The following ITGA2 variants were observed in gnomAD, a reference collection of about 807,000 sequenced individuals.
The protein encoded by ITGA2 is integrin alpha-2.
ITGA2 carries 101 observed loss-of-function variants against 146.3 expected under a neutral mutation model. The observed-to-expected ratio is 0.69, with a 90% CI of 0.59 to 0.81. ITGA2 has a LOEUF of 0.81. Among genes scored for constraint, ITGA2 ranks in the 40% least tolerant of loss-of-function variants. The probability of loss-of-function intolerance (pLI) is 0.00; values close to 1 mark genes in which losing one functional copy is unlikely to be tolerated. For synonymous variants in ITGA2, 477 were observed against 487.1 expected (o/e 0.98, Z 0.27); for missense variants, 1,281 against 1,402.7 (o/e 0.91, Z 1.39).
intron 1 of ITGA2, among the ~76,000 whole-genome samples, chr5:53,023,246 C>T (rs246406): frequency 0.61 from 93,302 of 152,150 alleles, 28,859 homozygotes; most frequent in Non-Finnish European, 0.66. Flanking sequence ...ACCTATGACT[C>T]TCTGTGCCAG....
chr5:53,014,546 T>A (rs1742309873), intron 1 of ITGA2, among the ~76,000 whole-genome samples: 1 of 152,180 alleles, frequency 6.6e-6, no homozygotes, highest in South Asian at 2.1e-4. Flanking sequence ...TCAGGGATGT[T>A]GGCCTGAAGT....
At position 53,053,405 on chromosome 5, in the gene ITGA2, G is replaced by T. The variant is rs753782900; in HGVS notation, c.779+1846G>T. ...TAGGTCAGCTGCCATTAGGTGAAGC[G>T]CCCTTTCTGGACACAGCAAACTGGA... is the stretch of plus-strand genomic sequence containing the variant. On this transcript the variant is annotated intron_variant, in intron 7 of 29. Transcript: ENST00000296585. Among the ~76,000 whole-genome samples, 2 of 152,118 alleles carry T rather than the reference G, an allele frequency of 1.3e-5. 1 individual carries two copies. The highest frequency in any genetic ancestry group is 1.3e-4 in the Admixed American group (2 of 15,270).
intron 2 of ITGA2, among the ~76,000 whole-genome samples, chr5:53,036,733 A>G (rs1743509656): frequency 6.6e-6 from 1 of 151,750 alleles, no homozygotes; most frequent in Admixed American, 6.6e-5. Context: ...TCCCACTAGA[A>G]TGTAAGCTCC....
At chr5:53,066,055 T>C in intron 15 of ITGA2, 78 bp downstream of exon 15, 1 of 1,333,004 alleles carries the variant, frequency 7.5e-7, no homozygotes, top group Non-Finnish European at 1.1e-6. Flanking sequence ...GTACTGGTAT[T>C]ATAGAAATGC....
intron 1 of ITGA2, among the ~76,000 whole-genome samples, chr5:53,018,805 G>A (rs1742527008): frequency 6.6e-6 from 1 of 152,170 alleles, no homozygotes; most frequent in African/African-American, 2.4e-5. Flanking sequence ...GCTCACGCCT[G>A]TAAATTCCAG....
chr5:53,059,973 G>C lies in ITGA2; in HGVS notation c.1273G>C (p.Asp425His). The change falls in exon 11 of 30, where the codon GAC becomes CAC. Residue 425 changes from aspartate (D) to histidine (H), a missense_variant. Physicochemically the swap from Asp to His is moderately conservative, Grantham distance 81 (BLOSUM62 -1). Around this residue, in one of 3 missense-constraint regions of ITGA2, gnomAD observed 795 missense variants for 841.7 expected, o/e 0.94. Coordinates refer to ENST00000296585, the MANE Select transcript of ITGA2 (RefSeq NM_002203.4). ...GHLIFPKQAF[D>H]QILQDRNHSS... ...TTTGATCTTTCCTAAACAAGCCTTT[G>C]ACCAAATTCTGCAGGACAGAAATCA... The C allele has an allele frequency of 1.2e-6, 2 of 1,612,242 alleles. No individual in the cohort carries two copies. The highest frequency in any genetic ancestry group is 1.7e-6 in the Non-Finnish European group (2 of 1,178,902).
chr5:52,998,686 C>G (rs879704366), intron 1 of ITGA2, among the ~76,000 whole-genome samples: 3 of 152,296 alleles, frequency 2.0e-5, no homozygotes, highest in Middle Eastern at 3.4e-3. Flanking sequence ...ATGTTACATT[C>G]TATTTCAATA....
chr5:53,067,274 T>G lies in ITGA2; in HGVS notation c.2083+17T>G, dbSNP rs1745193199. 2.5e-6 allele frequency: 4 copies of G among 1,610,892 alleles called. No homozygotes were observed. The East Asian group carries it at 9.0e-5, about 36-fold the overall frequency. ...ATCAAGTGGGTGCGTAGATCTGAAATAATCTGTATAGAAATTGGTTGGCTT... is the reference window on the plus strand; with the variant it reads ...ATCAAGTGGGTGCGTAGATCTGAAAGAATCTGTATAGAAATTGGTTGGCTT... On this transcript the variant is annotated intron_variant, in intron 16 of 29. Transcript: ENST00000296585.
intron 1 of ITGA2, among the ~76,000 whole-genome samples, chr5:53,012,766 T>A (rs902437667): frequency 5.3e-5 from 8 of 152,232 alleles, no homozygotes; most frequent in Admixed American, 3.3e-4. Context: ...AGCATGTTAT[T>A]TTTTTACTTT....
At chr5:53,045,120 T>A (rs370371018) in intron 4 of ITGA2, 28 bp downstream of exon 4, 14 of 1,527,366 alleles carry the variant, frequency 9.2e-6, no homozygotes, top group Non-Finnish European at 1.3e-5. Context: ...AAATCATTAT[T>A]CCTCTCAAGA....
intron 23 of ITGA2, 69 bp downstream of exon 23, chr5:53,075,373 G>T (rs1180472667): frequency 8.4e-7 from 1 of 1,194,632 alleles, no homozygotes; most frequent in African/African-American, 1.5e-5. Flanking sequence ...TTGGCTCATG[G>T]CTAAAGAAGT....
At chr5:53,083,879 T>C (rs1337238811) in intron 27 of ITGA2, among the ~76,000 whole-genome samples, 1 of 152,218 alleles carries the variant, frequency 6.6e-6, no homozygotes, top group Non-Finnish European at 1.5e-5. Context: ...AATTGTATGA[T>C]TGATCTCAAA....
At chr5:53,059,831 A>T (rs759160010) in intron 10 of ITGA2, 43 bp from the exon 11 acceptor site, 1 of 1,595,086 alleles carries the variant, frequency 6.3e-7, no homozygotes, top group Non-Finnish European at 8.6e-7. Flanking sequence ...TTATGTTTTA[A>T]AGGTGATTTG....
intron 1 of ITGA2, among the ~76,000 whole-genome samples, chr5:53,002,412 T>G (rs1234732977): frequency 6.6e-6 from 1 of 151,992 alleles, no homozygotes; most frequent in Non-Finnish European, 1.5e-5. Context: ...ACAGAAAAAA[T>G]ATTTATATTT....
chr5:53,091,832 T>C lies in ITGA2; in HGVS notation c.*1233T>C, dbSNP rs1364638820. 1 of 152,198 alleles carries C rather than the reference T, an allele frequency of 6.6e-6. No individual in the cohort carries two copies. Among genetic ancestry groups the C allele is most frequent in the African/African-American group, 2.4e-5 (1 of 41,440 alleles). The allele number at this position is 152,198 out of a possible 1,614,324, so 9.4% of individuals were successfully genotyped here. A position where few individuals can be genotyped will look rare whatever the true frequency, so the allele number is the denominator to read the frequency against. ...TTCTAAATGTTGGAATGTTATGGGA[T>C]GTAAACAATGTAAAGTAAGACATCT... On this transcript the variant is annotated 3_prime_UTR_variant, in exon 30 of 30. Transcript: ENST00000296585.
chr5:53,090,779 G>A lies in ITGA2; in HGVS notation c.*180G>A. ...TGAAGAAATTGTGGGGGGTGGGGGA[G>A]GTGCGGGGGGCAGGTAGGGAAATAA... On this transcript the variant is annotated 3_prime_UTR_variant, in exon 30 of 30. Transcript: ENST00000296585. 2 of 526,716 alleles carry A rather than the reference G, an allele frequency of 3.8e-6. No homozygotes were observed. Among genetic ancestry groups the A allele is most frequent in the Admixed American group, 3.2e-5 (1 of 31,418 alleles). The allele number at this position is 526,716 out of a possible 1,614,324, so 32.6% of individuals were successfully genotyped here.
At chr5:53,017,434 C>A (rs1392253288) in intron 1 of ITGA2, among the ~76,000 whole-genome samples, 1 of 152,224 alleles carries the variant, frequency 6.6e-6, no homozygotes, top group African/African-American at 2.4e-5. Flanking sequence ...TCTGGTCTTT[C>A]AAGGTTAGGC....
At chr5:53,085,345 G>A (rs756395611) in intron 27 of ITGA2, among the ~76,000 whole-genome samples, 59 of 152,154 alleles carry the variant, frequency 3.9e-4, no homozygotes, top group Admixed American at 1.3e-4. Flanking sequence ...CTTGTTGAAC[G>A]CTAGCAGGTG....
At chr5:53,054,477 AT>A (rs1744533670) in intron 7 of ITGA2, among the ~76,000 whole-genome samples, 1 of 152,096 alleles carries the variant, frequency 6.6e-6, no homozygotes, top group Non-Finnish European at 1.5e-5. Flanking sequence ...TACTGCTAAG[AT>A]TTTATCCCAT....
Sources: allele counts gnomAD v4.1 joint callset (sites outside exome capture counted in the v4.1 genomes callset), GRCh38; gene constraint gnomAD v4.1.1; regional missense constraint gnomAD v4.1.1; transcripts MANE v1.5; gene names NCBI Gene and HGNC (gene_info 2026-07-23, HGNC 2026-07-21).